ASIC2: variants seen among roughly 807,000 people sequenced by gnomAD.
ASIC2 encodes the protein acid-sensing ion channel 2.
A neutral mutation model predicts 57.3 loss-of-function variants in ASIC2; 25 were observed. That is an observed-to-expected ratio of 0.44 (90% CI 0.32 to 0.61). ASIC2 has a LOEUF of 0.61. Among genes scored for constraint, ASIC2 ranks in the 20% least tolerant of loss-of-function variants. ASIC2 has a pLI of 0.06. For synonymous variants in ASIC2, 319 were observed against 307.5 expected (o/e 1.04, Z -0.39); for missense variants, 641 against 738.1 (o/e 0.87, Z 1.52).
chr17:33,300,504 T>C (rs1905912390), intron 1 of ASIC2, among the ~76,000 whole-genome samples: 1 of 152,248 alleles, frequency 6.6e-6, no homozygotes, highest in South Asian at 2.1e-4. Context: ...CTTTGCTAGA[T>C]ACCCTAATGG....
At chr17:33,920,844 C>A in intron 1 of ASIC2, among the ~76,000 whole-genome samples, 1 of 152,204 alleles carries the variant, frequency 6.6e-6, no homozygotes, top group East Asian at 1.9e-4. Context: ...GCCCCCACCA[C>A]ACAACATCAT....
chr17:33,506,418 A>G (rs951715695), intron 1 of ASIC2, among the ~76,000 whole-genome samples: 18 of 151,790 alleles, frequency 1.2e-4, no homozygotes, highest in African/African-American at 4.4e-4. Context: ...GTCTCAAAAA[A>G]AAAAAAAAAA....
At chr17:33,458,531 C>T (rs548345173) in intron 1 of ASIC2, among the ~76,000 whole-genome samples, 1 of 152,324 alleles carries the variant, frequency 6.6e-6, no homozygotes, top group African/African-American at 2.4e-5. Flanking sequence ...CTATCACTTT[C>T]TGACTGTATG....
chr17:33,075,451 C>T (rs1326557695), intron 3 of ASIC2, among the ~76,000 whole-genome samples: 1 of 152,166 alleles, frequency 6.6e-6, no homozygotes, highest in East Asian at 1.9e-4. Context: ...TATAGCTAAG[C>T]CCAGATTCCT....
intron 1 of ASIC2, chr17:34,036,911 G>A (rs553421057): frequency 6.6e-6 from 1 of 152,576 alleles, no homozygotes; most frequent in South Asian, 2.1e-4. Context: ...GATGAGGGAA[G>A]CAATTGCAAA....
At chr17:33,763,454 T>C (rs1910845847) in intron 1 of ASIC2, among the ~76,000 whole-genome samples, 1 of 152,210 alleles carries the variant, frequency 6.6e-6, no homozygotes. Flanking sequence ...TCTGGTTCCA[T>C]AGCAGAAGGG....
chr17:33,833,287 A>C (rs1275243869), intron 1 of ASIC2, among the ~76,000 whole-genome samples: 1 of 152,194 alleles, frequency 6.6e-6, no homozygotes, highest in Non-Finnish European at 1.5e-5. Context: ...CTCTAGCATC[A>C]AGTGCAGTAT....
chr17:33,389,476 C>T (rs1373460052), intron 1 of ASIC2, among the ~76,000 whole-genome samples: 1 of 152,162 alleles, frequency 6.6e-6, no homozygotes, highest in Non-Finnish European at 1.5e-5. Flanking sequence ...GGATTCTAGG[C>T]TCAAAGGGAA....
intron 1 of ASIC2, among the ~76,000 whole-genome samples, chr17:33,455,613 A>G (rs898798378): frequency 1.3e-5 from 2 of 152,210 alleles, no homozygotes; most frequent in African/African-American, 2.4e-5. Context: ...CCTAGTGTGC[A>G]CCTTTTTAGA....
At chr17:33,716,176 C>T (rs1030272009) in intron 1 of ASIC2, among the ~76,000 whole-genome samples, 2 of 152,218 alleles carry the variant, frequency 1.3e-5, no homozygotes, top group Non-Finnish European at 2.9e-5. Flanking sequence ...CTAACTGGTT[C>T]ATCCTGACAC....
intron 1 of ASIC2, among the ~76,000 whole-genome samples, chr17:34,072,854 G>A (rs932337439): frequency 2.0e-5 from 3 of 152,142 alleles, no homozygotes; most frequent in African/African-American, 7.2e-5. Context: ...TGGACGTTTA[G>A]GTTTCTTCCC....
chr17:33,831,862 C>T (rs902169473), intron 1 of ASIC2, among the ~76,000 whole-genome samples: 1 of 152,192 alleles, frequency 6.6e-6, no homozygotes, highest in African/African-American at 2.4e-5. Flanking sequence ...GGATGGAGAA[C>T]AAGACTCCCT....
chr17:33,382,450 C>T (rs542176751), intron 1 of ASIC2, among the ~76,000 whole-genome samples: 2 of 152,278 alleles, frequency 1.3e-5, no homozygotes, highest in African/African-American at 2.4e-5. Flanking sequence ...GCCTTCTTCA[C>T]AGCAGGAGGC....
intron 1 of ASIC2, among the ~76,000 whole-genome samples, chr17:33,318,114 A>AGCGACATT (rs1308932448): frequency 6.6e-6 from 1 of 152,174 alleles, no homozygotes; most frequent in African/African-American, 2.4e-5. Flanking sequence ...GGCAGCCTCC[A>AGCGACATT]GCGACATTGC....
chr17:33,969,067 T>A (rs1905150780), intron 1 of ASIC2, among the ~76,000 whole-genome samples: 2 of 152,080 alleles, frequency 1.3e-5, no homozygotes, highest in Admixed American at 1.3e-4. Context: ...AGACAGTAAT[T>A]GATTCTGGAG....
rs185963998 is a variant in ASIC2, at chr17:33,818,369, C to T, written c.555+337609G>A. 1.2e-4 allele frequency among the ~76,000 whole-genome samples: 18 copies of T among 152,258 alleles called. No individual in the cohort carries two copies. The East Asian group carries it at 3.5e-3, about 29-fold the overall frequency. On this transcript the variant is annotated intron_variant, in intron 1 of 9. Transcript: ENST00000359872. ...TTTTGCATATATTACCTCACTGAAA[C>T]CTCATAGCAACTCTGCGAAGTAGGT...
chr17:33,405,487 C>CTTTT (rs35049672), intron 1 of ASIC2, among the ~76,000 whole-genome samples: 4 of 135,304 alleles, frequency 3.0e-5, no homozygotes, highest in South Asian at 2.3e-4. Context: ...TTTTTTCTTT[C>CTTTT]TTTTTTTTTT....
At chr17:33,568,587 G>A (rs946205900) in intron 1 of ASIC2, among the ~76,000 whole-genome samples, 2 of 151,988 alleles carry the variant, frequency 1.3e-5, no homozygotes, top group African/African-American at 2.4e-5. Context: ...CACGACCCTC[G>A]AGCAGAGTTA....
At chr17:33,623,791 C>T (rs1484296642) in intron 1 of ASIC2, among the ~76,000 whole-genome samples, 1 of 152,072 alleles carries the variant, frequency 6.6e-6, no homozygotes, top group Non-Finnish European at 1.5e-5. Context: ...TTTTTCTCTA[C>T]TCCAGGTAGA....
Sources: allele counts gnomAD v4.1 joint callset (sites outside exome capture counted in the v4.1 genomes callset), GRCh38; gene constraint gnomAD v4.1.1; transcripts MANE v1.5; gene names NCBI Gene and HGNC (gene_info 2026-07-23, HGNC 2026-07-21).